Variants in ABCC1 observed in about 807,000 individuals in gnomAD.
The protein encoded by ABCC1 is multidrug resistance-associated protein 1.
ABCC1 carries 83 observed loss-of-function variants against 172.9 expected under a neutral mutation model. The ratio of observed to expected loss-of-function variants is 0.48; its 90% CI spans 0.40 to 0.58. ABCC1 has a LOEUF of 0.58. Ranked by LOEUF, ABCC1 falls within the 20% of genes least tolerant of loss-of-function variation. ABCC1 has a pLI of 0.00. For missense variants in ABCC1, 1,817 were observed against 2,002.7 expected (o/e 0.91, Z 1.77); for synonymous variants, 937 against 825.2 (o/e 1.14, Z -2.32).
At chr16:16,075,405 A>G (rs1360171511) in intron 14 of ABCC1, among the ~76,000 whole-genome samples, 2 of 151,834 alleles carry the variant, frequency 1.3e-5, no homozygotes, top group Non-Finnish European at 2.9e-5. Flanking sequence ...CAAGCAGATC[A>G]CTTGAGGCCA....
intron 16 of ABCC1, among the ~76,000 whole-genome samples, 182 bp downstream of exon 16, chr16:16,079,660 G>T (rs7204081): frequency 0.1 from 15,355 of 151,926 alleles, 1,113 homozygotes; most frequent in African/African-American, 0.21. Context: ...GTTCTGTTCC[G>T]TGCTGTCCTA....
rs182752194 is a variant in ABCC1 at position 15,949,804 on chromosome 16, G to C, written c.48+5G>C. The C allele has an allele frequency of 1.6e-5, 19 of 1,194,796 alleles. No homozygotes were observed. Among genetic ancestry groups the C allele is most frequent in the Admixed American group, 4.5e-5 (1 of 22,348 alleles). The allele number at this position is 1,194,796 out of a possible 1,614,324, so 74.0% of individuals were successfully genotyped here. On this transcript the variant is annotated splice_donor_5th_base_variant and intron_variant, in intron 1 of 30. Transcript: ENST00000399410. ...GATGGCTCCGACCCGCTCTGGGTAC[G>C]TGCCGGGGGCCGCGTGAGGCCGGCG...
chr16:15,969,949 T>C lies in ABCC1; in HGVS notation c.48+20150T>C, dbSNP rs577178935. ...CTGCCTTCCTTGAGCCCCAGTCTTG[T>C]TGGGGAAATGGCCAAATAAATGAAT... On this transcript the variant is annotated intron_variant, in intron 1 of 30. Coordinates refer to ENST00000399410, the MANE Select transcript of ABCC1 (RefSeq NM_004996.4). 4.6e-5 allele frequency among the ~76,000 whole-genome samples: 7 copies of C among 152,144 alleles called. No homozygotes were observed. In the East Asian group the frequency reaches 1.2e-3, roughly 25 times the overall value.
intron 5 of ABCC1, among the ~76,000 whole-genome samples, chr16:16,021,015 G>T (rs891943480): frequency 6.6e-6 from 1 of 152,180 alleles, no homozygotes; most frequent in African/African-American, 2.4e-5. Context: ...TAATGGCTTT[G>T]TGTTAGGCTA....
At chr16:16,038,388 G>T (rs947213959) in intron 7 of ABCC1, among the ~76,000 whole-genome samples, 1 of 152,190 alleles carries the variant, frequency 6.6e-6, no homozygotes, top group Non-Finnish European at 1.5e-5. Context: ...AAAGGCCTGA[G>T]AACCTGGAGT....
intron 1 of ABCC1, among the ~76,000 whole-genome samples, chr16:15,982,359 G>A (rs1694830566): frequency 6.6e-6 from 1 of 152,076 alleles, no homozygotes; most frequent in South Asian, 2.1e-4. Context: ...GGCTGGGGAG[G>A]CCTCAGGAAG....
Position 16,079,484 on chromosome 16 carries a change from A to T in ABCC1, c.2115+6A>T. On this transcript the variant is annotated splice_donor_region_variant and intron_variant, in intron 16 of 30. Coordinates refer to ENST00000399410, the MANE Select transcript of ABCC1 (RefSeq NM_004996.4). The stretch of plus-strand genomic sequence containing the variant: ...AGGGGCACGTGGCTATCAAGGTAGG[A>T]TGAGGACCAGCGGGGAGGGGCAGTG... 6.2e-7 allele frequency: 1 copy of T among 1,608,536 alleles called. No individual in the cohort carries two copies.
chr16:16,010,868 A>T (rs748654649), intron 3 of ABCC1, among the ~76,000 whole-genome samples: 3 of 152,298 alleles, frequency 2.0e-5, no homozygotes, highest in Non-Finnish European at 4.4e-5. Context: ...CCATGCTTTT[A>T]GCCCCTGCAA....
chr16:16,051,008 G>C (rs1038989894), intron 10 of ABCC1, among the ~76,000 whole-genome samples: 1 of 152,144 alleles, frequency 6.6e-6, no homozygotes, highest in African/African-American at 2.4e-5. Flanking sequence ...TGGAACATTT[G>C]TTCTAGAACT....
intron 8 of ABCC1, among the ~76,000 whole-genome samples, 189 bp downstream of exon 8, chr16:16,044,869 C>T (rs1202250426): frequency 1.3e-5 from 2 of 152,070 alleles, no homozygotes; most frequent in Non-Finnish European, 2.9e-5. Context: ...AGGCTGGTCT[C>T]GAGCTCCTGA....
intron 23 of ABCC1, among the ~76,000 whole-genome samples, chr16:16,120,315 A>C (rs2045095136): frequency 1.3e-5 from 2 of 152,208 alleles, no homozygotes; most frequent in Admixed American, 1.3e-4. Context: ...CGGGCTCACC[A>C]GTTCCTTTTG....
chr16:15,962,391 G>A (rs964760066), intron 1 of ABCC1, among the ~76,000 whole-genome samples: 2 of 152,168 alleles, frequency 1.3e-5, no homozygotes, highest in African/African-American at 2.4e-5. Context: ...TAATTGCAGA[G>A]TTTTCTGATC....
At position 16,134,370 on chromosome 16, in the gene ABCC1, G is replaced by T. The variant is rs746302119; in HGVS notation, c.3987G>T (p.Thr1329=). Residue 1329 remains threonine, a synonymous_variant, in exon 28 of 31, where the codon ACG becomes ACT. Coordinates refer to ENST00000399410, the MANE Select transcript of ABCC1 (RefSeq NM_004996.4). ...GGEKVGIVGR[T]GAGKSSLTLG... ...TGCAGGTCGGCATCGTGGGGCGGAC[G>T]GGAGCTGGGAAGTCGTCCCTGACCC... 3.1e-6 allele frequency: 5 copies of T among 1,613,954 alleles called. No individual in the cohort carries two copies. The highest frequency in any genetic ancestry group is 3.4e-6 in the Non-Finnish European group (4 of 1,180,020).
chr16:16,089,289 T>C (rs2051140410), intron 18 of ABCC1, among the ~76,000 whole-genome samples: 1 of 152,178 alleles, frequency 6.6e-6, no homozygotes, highest in Non-Finnish European at 1.5e-5. Context: ...CGCATGCCTG[T>C]AGTCCCAGCA....
chr16:16,014,601 A>G lies in ABCC1; in HGVS notation c.462A>G (p.Arg154=). The part of the protein sequence containing the change: ...VALVCALAIL[R]SKIMTALKED... ...TAGTGTGTGCCCTAGCCATCCTGAG[A>G]TCCAAAATTATGACAGCCTTAAAAG... Residue 154 remains arginine, a synonymous_variant, in exon 4 of 31, where the codon AGA becomes AGG. Coordinates refer to ENST00000399410, the MANE Select transcript of ABCC1 (RefSeq NM_004996.4). 1 of 1,613,940 alleles carries G rather than the reference A, an allele frequency of 6.2e-7. No individual in the cohort carries two copies. Among genetic ancestry groups the G allele is most frequent in the Non-Finnish European group, 8.5e-7 (1 of 1,179,992 alleles).
intron 12 of ABCC1, among the ~76,000 whole-genome samples, chr16:16,067,323 C>G (rs1417746346): frequency 6.6e-6 from 1 of 152,198 alleles, no homozygotes; most frequent in East Asian, 1.9e-4. Context: ...TTGTTAATGT[C>G]AGAGCCAGAA....
chr16:15,956,285 A>G (rs2045995704), intron 1 of ABCC1, among the ~76,000 whole-genome samples: 1 of 151,886 alleles, frequency 6.6e-6, no homozygotes, highest in Admixed American at 6.6e-5. Flanking sequence ...GCATTGCTTG[A>G]ACCTGGTAGG....
Position 16,033,211 on chromosome 16 carries a change from G to GTGAA in ABCC1, c.677+58_677+61dup, listed in dbSNP as rs750999445. The GTGAA allele has an allele frequency of 1.4e-4, 217 of 1,559,740 alleles. 1 individual carries two copies. In the South Asian group the frequency reaches 1.9e-3, roughly 13 times the overall value. On this transcript the variant is annotated intron_variant, in intron 6 of 30. Coordinates refer to ENST00000399410, the MANE Select transcript of ABCC1 (RefSeq NM_004996.4). ...CCAGACCTCAGGGAGGTGGTGGGGA[G>GTGAA]TGAATGAATGAATGAATGAACGAAT...
Position 15,993,297 on chromosome 16 carries a change from C to T in ABCC1, c.49-14519C>T, listed in dbSNP as rs905533455. On this transcript the variant is annotated intron_variant, in intron 1 of 30. Transcript: ENST00000399410. ...CTGTGTTAATCCGTCTCTTGGCTGC[C>T]GGGAACACCAGCTCCTGCAACCTGG... is the stretch of plus-strand genomic sequence containing the variant. 4.6e-5 allele frequency among the ~76,000 whole-genome samples: 7 copies of T among 152,136 alleles called. 1 individual carries two copies. The highest frequency in any genetic ancestry group is 2.0e-4 in the Admixed American group (3 of 15,268).
Sources: gnomAD v4.1 joint callset for allele counts (sites outside exome capture counted in the v4.1 genomes callset) on GRCh38, gnomAD v4.1.1 for gene constraint, MANE v1.5 for transcripts, NCBI Gene and HGNC (gene_info 2026-07-23, HGNC 2026-07-21) for gene names.